Variants in COL14A1 observed in about 807,000 individuals in gnomAD.
The protein encoded by COL14A1 is collagen alpha-1(XIV) chain.
A neutral mutation model predicts 230.3 loss-of-function variants in COL14A1; 136 were observed. That is an observed-to-expected ratio of 0.59 (90% confidence interval 0.51 to 0.68). The LOEUF (loss-of-function observed/expected upper bound fraction) is 0.68, where lower values mean the gene tolerates loss of function less well. Among genes scored for constraint, COL14A1 ranks in the 30% least tolerant of loss-of-function variants. COL14A1 has a pLI of 0.00. For synonymous variants in COL14A1, 792 were observed against 784.1 expected, an observed-to-expected ratio of 1.01 and a Z score of -0.17; for missense variants, 1,976 against 2,215.8, an observed-to-expected ratio of 0.89 and a Z score of 2.17.
intron 45 of COL14A1, among the ~76,000 whole-genome samples, chr8:120,349,691 G>T: frequency 7.6e-6 from 1 of 131,286 alleles, no homozygotes; most frequent in Non-Finnish European, 1.6e-5. Flanking sequence ...AGAGAAAAAA[G>T]AATAAAAAGA....
chr8:120,305,277 G>A (rs1219543057), intron 36 of COL14A1, among the ~76,000 whole-genome samples: 1 of 152,048 alleles, frequency 6.6e-6, no homozygotes, highest in Non-Finnish European at 1.5e-5. Context: ...ACCGCACCTG[G>A]CCAAAAACTC....
At chr8:120,318,317 T>G (rs1260404371) in intron 40 of COL14A1, among the ~76,000 whole-genome samples, 3 of 152,128 alleles carry the variant, frequency 2.0e-5, no homozygotes, top group Admixed American at 2.0e-4. Context: ...GTGGACTGTT[T>G]GCCTAGAGGA....
chr8:120,341,784 G>A (rs1822306312), intron 43 of COL14A1, among the ~76,000 whole-genome samples: 1 of 152,172 alleles, frequency 6.6e-6, no homozygotes, highest in Non-Finnish European at 1.5e-5. Flanking sequence ...TTCACACCCA[G>A]GAAGACAATG....
intron 43 of COL14A1, among the ~76,000 whole-genome samples, chr8:120,341,819 C>T (rs1822307298): frequency 6.6e-6 from 1 of 152,128 alleles, no homozygotes; most frequent in Non-Finnish European, 1.5e-5. Flanking sequence ...AAAGAACTGG[C>T]CCCCAAACTG....
intron 19 of COL14A1, among the ~76,000 whole-genome samples, chr8:120,235,931 G>A (rs1162083284): frequency 6.6e-6 from 1 of 152,202 alleles, no homozygotes; most frequent in African/African-American, 2.4e-5. Context: ...GCAGTTTTGA[G>A]TGAGTTTCTT....
At position 120,364,470 on chromosome 8, in the gene COL14A1, A is replaced by G. The variant is rs117524890; in HGVS notation, c.5078-2701A>G. Among the ~76,000 whole-genome samples, 505 of 152,342 alleles carry G rather than the reference A, an allele frequency of 3.3e-3. 8 individuals are homozygous for G. In the South Asian group the frequency reaches 0.055, roughly 17 times the overall value. On this transcript the variant is annotated intron_variant, in intron 45 of 47. Coordinates refer to ENST00000297848, the MANE Select transcript of COL14A1 (RefSeq NM_021110.4). ...GTTGCTTCACTCCAGAAAATGGCCT[A>G]CAACCAAGTTCAGTTGTCATGGACA...
At chr8:120,350,260 C>T (rs1358931046) in intron 45 of COL14A1, among the ~76,000 whole-genome samples, 24 of 151,882 alleles carry the variant, frequency 1.6e-4, no homozygotes, top group Non-Finnish European at 7.4e-5. Context: ...AAGGAACAAC[C>T]GGTACCAGCC....
At chr8:120,235,117 T>C (rs1479221533) in intron 19 of COL14A1, among the ~76,000 whole-genome samples, 1 of 152,202 alleles carries the variant, frequency 6.6e-6, no homozygotes, top group Admixed American at 6.5e-5. Context: ...GTTTATAGTA[T>C]TCTCTGATGG....
At chr8:120,258,710 T>C (rs994972664) in intron 23 of COL14A1, among the ~76,000 whole-genome samples, 3 of 152,156 alleles carry the variant, frequency 2.0e-5, no homozygotes, top group South Asian at 4.1e-4. Context: ...TTTGACTCAG[T>C]CATCCATTTG....
At position 120,345,506 on chromosome 8, in the gene COL14A1, C is replaced by T. The variant is rs768659440; in HGVS notation, c.5020C>T (p.Pro1674Ser). 6.9e-6 allele frequency: 11 copies of T among 1,590,508 alleles called. No homozygotes were observed. Among genetic ancestry groups the T allele is most frequent in the East Asian group, 2.3e-5 (1 of 43,386 alleles). Reference protein sequence around the residue: ...SPGAPGEQGPPGTPGFPGNAG... With the variant: ...SPGAPGEQGPSGTPGFPGNAG... ...TGGAGCCCCTGGTGAACAAGGACCC[C>T]CAGGCACACCAGGCTTCCCCGGAAA... The change falls in exon 45 of 48, where the codon CCA (proline) becomes TCA (serine). Residue 1674 changes from proline (P) to serine (S), a missense_variant. By Grantham distance (74) the Pro-to-Ser change is moderately conservative. Around this residue, in one of 3 missense-constraint regions of COL14A1, gnomAD observed 1,791 missense variants for 2,019.5 expected, o/e 0.89. Coordinates refer to ENST00000297848, the MANE Select transcript of COL14A1 (RefSeq NM_021110.4).
intron 36 of COL14A1, among the ~76,000 whole-genome samples, chr8:120,302,999 A>T (rs912416485): frequency 2.6e-5 from 4 of 152,036 alleles, no homozygotes; most frequent in Non-Finnish European, 5.9e-5. Flanking sequence ...TTTTTGTGGC[A>T]ATTGTGGATG....
intron 11 of COL14A1, 100 bp downstream of exon 11, chr8:120,208,461 T>A: frequency 7.8e-7 from 1 of 1,281,758 alleles, no homozygotes; most frequent in Admixed American, 2.1e-5. Context: ...ATAGACATCC[T>A]GAATCGAATT....
chr8:120,246,895 C>A (rs1818783850), intron 20 of COL14A1, among the ~76,000 whole-genome samples: 1 of 152,072 alleles, frequency 6.6e-6, no homozygotes, highest in African/African-American at 2.4e-5. Flanking sequence ...AAAATAAAAT[C>A]AGAATCTTAC....
chr8:120,369,443 G>A lies in COL14A1; in HGVS notation c.5269G>A (p.Gly1757Arg). ...PGPQGPSGQP[G>R]YCDPSSCSAY... is the part of the protein sequence containing the mutation. ...ACCCCAAGGTCCTTCTGGCCAGCCT[G>A]GATATTGTGACCCCTCATCATGTTC... The change falls in exon 47 of 48, where the codon GGA becomes AGA. Residue 1757 changes from glycine (G) to arginine (R), a missense_variant. Physicochemically the swap from Gly to Arg is moderately radical, Grantham distance 125. Around this residue, in one of 3 missense-constraint regions of COL14A1, gnomAD observed 1,791 missense variants for 2,019.5 expected, o/e 0.89. Coordinates refer to ENST00000297848, the MANE Select transcript of COL14A1 (RefSeq NM_021110.4). 6.2e-7 allele frequency: 1 copy of A among 1,609,230 alleles called. No individual in the cohort carries two copies.
chr8:120,156,463 C>A (rs2130512666), intron 2 of COL14A1, among the ~76,000 whole-genome samples: 1 of 152,226 alleles, frequency 6.6e-6, no homozygotes, highest in African/African-American at 2.4e-5. Flanking sequence ...GCCACCCTGC[C>A]TGGCCGAGGG....
chr8:120,336,343 G>C (rs767878933), intron 42 of COL14A1, among the ~76,000 whole-genome samples: 2 of 152,158 alleles, frequency 1.3e-5, no homozygotes, highest in Non-Finnish European at 2.9e-5. Flanking sequence ...AACCCACAAA[G>C]ACAGAAAGAT....
intron 5 of COL14A1, among the ~76,000 whole-genome samples, chr8:120,186,547 T>C (rs1816657278): frequency 1.3e-5 from 2 of 152,184 alleles, no homozygotes; most frequent in Admixed American, 1.3e-4. Context: ...TGAATAAAAA[T>C]AGTACACACT....
intron 45 of COL14A1, among the ~76,000 whole-genome samples, chr8:120,359,763 G>T (rs1823124889): frequency 6.6e-6 from 1 of 152,152 alleles, no homozygotes; most frequent in African/African-American, 2.4e-5. Flanking sequence ...GATTCCTGAT[G>T]CCTGATTTAA....
At chr8:120,316,091 G>A in intron 40 of COL14A1, 94 bp downstream of exon 40, 1 of 1,279,428 alleles carries the variant, frequency 7.8e-7, no homozygotes, top group Non-Finnish European at 1.1e-6. Context: ...AGGGAGTCAA[G>A]CCAGTTTTTG....
Sources: allele counts gnomAD v4.1 joint callset (sites outside exome capture counted in the v4.1 genomes callset), GRCh38; gene constraint gnomAD v4.1.1; regional missense constraint gnomAD v4.1.1; transcripts MANE v1.5; gene names NCBI Gene and HGNC (gene_info 2026-07-23, HGNC 2026-07-21).